PHYHD1: variants seen among roughly 807,000 people sequenced by gnomAD.
PHYHD1 encodes the protein phytanoyl-CoA dioxygenase domain containing 1.
PHYHD1 carries 42 observed loss-of-function variants against 43.6 expected under a neutral mutation model. That is an observed-to-expected ratio of 0.96 (90% CI 0.75 to 1.25). The LOEUF (loss-of-function observed/expected upper bound fraction) is 1.25. PHYHD1 is among the 50% of genes most tolerant of loss of function. PHYHD1 has a pLI of 0.00. For missense variants in PHYHD1, 342 were observed against 370.8 expected (o/e 0.92, Z 0.64); for synonymous variants, 139 against 143.6 (o/e 0.97, Z 0.23).
chr9:128,922,920 G>GC (rs1841037478), intron 3 of PHYHD1, among the ~76,000 whole-genome samples: 1 of 148,956 alleles, frequency 6.7e-6, no homozygotes, highest in Non-Finnish European at 1.5e-5. Flanking sequence ...ACAGGCACAC[G>GC]CCCCCATGCC....
chr9:128,936,627 G>C lies in PHYHD1; in HGVS notation c.417G>C (p.Gln139His), dbSNP rs1206830767. The stretch of plus-strand genomic sequence containing the variant: ...GCCTCCAGATGCCCGTGGTGGTGCA[G>C]AGCATGTACATCTTTAAGGTGAGCT... The part of the protein sequence containing the change: ...SLGLQMPVVV[Q>H]SMYIFKQPHF... The change falls in exon 8 of 13, where the codon CAG (glutamine) becomes CAC (histidine). Residue 139 changes from glutamine (Q) to histidine (H), a missense_variant. Gln to His is a conservative substitution (Grantham distance 24, BLOSUM62 0). Coordinates refer to ENST00000372592, the MANE Select transcript of PHYHD1 (RefSeq NM_001100876.2). The C allele has an allele frequency of 1.9e-6, 3 of 1,555,850 alleles. No individual in the cohort carries two copies. The highest frequency in any genetic ancestry group is 4.8e-5 in the East Asian group (2 of 41,338).
At chr9:128,922,442 C>T (rs960077945) in intron 3 of PHYHD1, 86 bp downstream of exon 3, 22 of 1,467,906 alleles carry the variant, frequency 1.5e-5, no homozygotes, top group Non-Finnish European at 2.0e-5. Context: ...CAACCCACCC[C>T]CTGCCCCATT....
intron 3 of PHYHD1, among the ~76,000 whole-genome samples, chr9:128,922,591 A>C (rs1841027142): frequency 1.3e-5 from 2 of 152,130 alleles, no homozygotes; most frequent in South Asian, 2.1e-4. Flanking sequence ...TTGACCAAAA[A>C]CGAGAATAAG....
chr9:128,941,443 A>G lies in PHYHD1; in HGVS notation c.704-2A>G. The G allele has an allele frequency of 6.2e-7, 1 of 1,613,118 alleles. No individual in the cohort carries two copies. The highest frequency in any genetic ancestry group is 8.5e-7 in the Non-Finnish European group (1 of 1,179,974). ...TTCCTGACCTGCTTGTGTCTCTGCC[A>G]GGGGCCCTGGTCCTCATCCATGGAG... is the stretch of plus-strand genomic sequence containing the variant. On this transcript the variant is annotated splice_acceptor_variant, in intron 11 of 12. Coordinates refer to ENST00000372592, the MANE Select transcript of PHYHD1 (RefSeq NM_001100876.2). LOFTEE classifies it high-confidence loss of function.
intron 11 of PHYHD1, 46 bp downstream of exon 11, chr9:128,940,761 G>C (rs746149076): frequency 6.3e-7 from 1 of 1,591,162 alleles, no homozygotes; most frequent in Admixed American, 1.7e-5. Flanking sequence ...GAGTCCATCA[G>C]TCTGTGCTTG....
At chr9:128,922,125 A>G (rs1267580111) in intron 2 of PHYHD1, 78 bp downstream of exon 2, 2 of 586,958 alleles carry the variant, frequency 3.4e-6, no homozygotes, top group Non-Finnish European at 6.0e-6. Flanking sequence ...GAAAGGGCAA[A>G]TCCTGGATTA....
chr9:128,926,989 C>T (rs750573129), intron 3 of PHYHD1, 49 bp from the exon 4 acceptor site: 1 of 1,613,396 alleles, frequency 6.2e-7, no homozygotes, highest in Non-Finnish European at 8.5e-7. Flanking sequence ...AAGGGTCAGA[C>T]AGGAGCATTT....
At chr9:128,934,578 G>A (rs563579623) in intron 6 of PHYHD1, among the ~76,000 whole-genome samples, 1 of 152,094 alleles carries the variant, frequency 6.6e-6, no homozygotes, top group African/African-American at 2.4e-5. Context: ...AGACCAGCCT[G>A]ACCAATGTGG....
chr9:128,940,293 G>C (rs1203794326), intron 9 of PHYHD1, 76 bp from the exon 10 acceptor site: 1 of 1,587,352 alleles, frequency 6.3e-7, no homozygotes. Flanking sequence ...AGAGGACTGA[G>C]GAATAGGTAA....
chr9:128,936,725 C>A (rs1472605628), intron 8 of PHYHD1, 80 bp downstream of exon 8: 4 of 1,420,896 alleles, frequency 2.8e-6, no homozygotes, highest in Non-Finnish European at 3.9e-6. Flanking sequence ...TTACAATGGG[C>A]CAAAAGTTGC....
At position 128,938,821 on chromosome 9, in the gene PHYHD1, GC is replaced by G. The variant is rs754198113; in HGVS notation, c.457+1045del. Among the ~76,000 whole-genome samples the G allele has an allele frequency of 6.1e-5, 8 of 131,274 alleles. 2 individuals are homozygous for G. The highest frequency in any genetic ancestry group is 1.4e-4 in the Non-Finnish European group (8 of 56,362). 86.1% of individuals were successfully genotyped at this position (131,274 alleles called of 152,430 possible). A position where few individuals can be genotyped will look rare whatever the true frequency, so the allele number is the denominator to read the frequency against. On this transcript the variant is annotated intron_variant, in intron 9 of 12. Coordinates refer to ENST00000372592, the MANE Select transcript of PHYHD1 (RefSeq NM_001100876.2). ...CTACACCATGCAGCCACCCTTTACA[GC>G]CTCCCTAGTAGGTGATTATCTACTT...
At chr9:128,932,305 A>G (rs2131106592) in intron 4 of PHYHD1, among the ~76,000 whole-genome samples, 1 of 151,510 alleles carries the variant, frequency 6.6e-6, no homozygotes, top group African/African-American at 2.4e-5. Flanking sequence ...CAGCCTCCTG[A>G]GTAGTTGGGA....
rs1370345388 is a variant in PHYHD1 at position 128,936,592 on chromosome 9, A to G, written c.382A>G (p.Arg128Gly). 1 of 1,579,732 alleles carries G rather than the reference A, an allele frequency of 6.3e-7. No homozygotes were observed. The highest frequency in any genetic ancestry group is 1.8e-5 in the Admixed American group (1 of 54,508). ...THSFKVQTLA[R>G]SLGLQMPVVV... ...CTTTGCCCCCCTCCAGACCTTGGCC[A>G]GAAGTCTGGGCCTCCAGATGCCCGT... The change falls in exon 8 of 13, where the codon AGA becomes GGA. Residue 128 changes from arginine (R) to glycine (G), a missense_variant. Transcript: ENST00000372592.
At position 128,929,724 on chromosome 9, in the gene PHYHD1, G is replaced by A. The variant is rs559756137; in HGVS notation, c.192+2528G>A. On this transcript the variant is annotated intron_variant, in intron 4 of 12. Transcript: ENST00000372592. ...CCTTAGTATCTACATACGTGTGTGT[G>A]TAATTCTTGGAATTCTCCTTTGAAC... is the stretch of plus-strand genomic sequence containing the variant. Among the ~76,000 whole-genome samples, 10 of 152,186 alleles carry A rather than the reference G, an allele frequency of 6.6e-5. 2 individuals are homozygous for A. Among genetic ancestry groups the A allele is most frequent in the Admixed American group, 6.6e-4 (10 of 15,264 alleles).
intron 3 of PHYHD1, among the ~76,000 whole-genome samples, chr9:128,925,790 C>T (rs1478762297): frequency 3.3e-5 from 5 of 152,140 alleles, no homozygotes; most frequent in Admixed American, 6.6e-5. Flanking sequence ...TTCCCAATTC[C>T]TTATGTTCCT....
At position 128,941,837 on chromosome 9, in the gene PHYHD1, C is replaced by A; in HGVS notation, c.*124C>A. The stretch of plus-strand genomic sequence containing the variant: ...TTGTCTCCCCTCCTGGGCTTTCCTC[C>A]TGCCCTGTGGGCAGCAGCCTAGGCT... On this transcript the variant is annotated 3_prime_UTR_variant, in exon 13 of 13. Transcript: ENST00000372592. 7.3e-7 allele frequency: 1 copy of A among 1,372,650 alleles called. No individual in the cohort carries two copies. Among genetic ancestry groups the A allele is most frequent in the East Asian group, 2.4e-5 (1 of 41,886 alleles). 85.0% of individuals were successfully genotyped at this position (1,372,650 alleles called of 1,614,324 possible). A position where few individuals can be genotyped will look rare whatever the true frequency, so the allele number is the denominator to read the frequency against.
chr9:128,941,274 C>T (rs2131121799), intron 11 of PHYHD1, among the ~76,000 whole-genome samples, 171 bp from the exon 12 acceptor site: 1 of 152,214 alleles, frequency 6.6e-6, no homozygotes, highest in Middle Eastern at 3.4e-3. Context: ...ATCTCAATAG[C>T]TTAGCTTTTG....
chr9:128,925,757 C>T (rs1229038770), intron 3 of PHYHD1, among the ~76,000 whole-genome samples: 3 of 152,144 alleles, frequency 2.0e-5, no homozygotes, highest in Non-Finnish European at 4.4e-5. Flanking sequence ...TCTTCCACCC[C>T]TCCCCTCACT....
chr9:128,933,726 G>T, intron 4 of PHYHD1, 56 bp from the exon 5 acceptor site: 1 of 1,568,722 alleles, frequency 6.4e-7, no homozygotes, highest in Non-Finnish European at 8.8e-7. Flanking sequence ...CTCTTTGCCA[G>T]GCCCAGCTCT....
Sources: allele counts gnomAD v4.1 joint callset (sites outside exome capture counted in the v4.1 genomes callset), GRCh38; gene constraint gnomAD v4.1.1; transcripts MANE v1.5; gene names NCBI Gene and HGNC (gene_info 2026-07-23, HGNC 2026-07-21).